RUSC2: variants seen among roughly 807,000 people sequenced by gnomAD.
The protein encoded by RUSC2 is AP-4 complex accessory subunit RUSC2.
A neutral mutation model predicts 122.2 loss-of-function variants in RUSC2; 34 were observed. The observed-to-expected ratio is 0.28, with a 90% CI of 0.21 to 0.37. RUSC2 has a LOEUF of 0.37. Among genes scored for constraint, RUSC2 ranks in the 10% least tolerant of loss-of-function variants. RUSC2 has a pLI of 1.00. For missense variants in RUSC2, 1,747 were observed against 1,952.4 expected, an observed-to-expected ratio of 0.89 and a Z score of 1.98; for synonymous variants, 784 against 790.0, an observed-to-expected ratio of 0.99 and a Z score of 0.13.
chr9:35,523,808 C>A (rs1432024480), intron 1 of RUSC2, among the ~76,000 whole-genome samples: 1 of 150,786 alleles, frequency 6.6e-6, no homozygotes, highest in African/African-American at 2.4e-5. Flanking sequence ...GAGGGAGACT[C>A]CATCTCAAAA....
chr9:35,538,840 C>G (rs1234559142), intron 1 of RUSC2: 1 of 152,298 alleles, frequency 6.6e-6, no homozygotes, highest in Non-Finnish European at 1.5e-5. Context: ...CCTGCCTGCT[C>G]CTTTCCCTTC....
Position 35,548,854 on chromosome 9 carries a change from A to G in RUSC2, c.2014+319A>G, listed in dbSNP as rs909354871. The G allele has an allele frequency of 1.1e-5, 7 of 615,384 alleles. No individual in the cohort carries two copies. The highest frequency in any genetic ancestry group is 1.3e-4 in the Admixed American group (2 of 15,776). 38.1% of individuals were successfully genotyped at this position (615,384 alleles called of 1,614,324 possible). A position where few individuals can be genotyped will look rare whatever the true frequency, so the allele number is the denominator to read the frequency against. On this transcript the variant is annotated intron_variant, in intron 2 of 11. Transcript: ENST00000361226. The surrounding 1 kb of genome is among the most constrained non-coding windows in gnomAD (Gnocchi z 4.5). ...AGACCAGCCTGGCCAACATAATGAA[A>G]CCCCAGCTCTACTAAAATAAAAAAT...
intron 1 of RUSC2, among the ~76,000 whole-genome samples, chr9:35,517,777 G>A (rs902419869): frequency 6.6e-6 from 1 of 152,204 alleles, no homozygotes; most frequent in Non-Finnish European, 1.5e-5. Context: ...ACAGGAGAAG[G>A]CCAGGGCGCT....
rs1379986070 is a variant in RUSC2, at chr9:35,540,373, AT to A, written c.-92-6056del. ...CAAAGCTAGACTCTGTCTGTAAAAA[AT>A]AATTGTAAAAAAATTCCCATTTCTA... On this transcript the variant is annotated intron_variant, in intron 1 of 11. Transcript: ENST00000361226. Among the ~76,000 whole-genome samples, 4 of 152,358 alleles carry A rather than the reference AT, an allele frequency of 2.6e-5. No homozygotes were observed. The East Asian group carries it at 5.8e-4, about 22-fold the overall frequency.
chr9:35,559,171 CCTT>C (rs1822088043), intron 8 of RUSC2, 52 bp from the exon 9 acceptor site: 3 of 1,421,106 alleles, frequency 2.1e-6, no homozygotes, highest in South Asian at 2.3e-5. Flanking sequence ...GGATCTGTCT[CCTT>C]ATCTGGCTGT....
chr9:35,534,415 A>G (rs1253152080), intron 1 of RUSC2, among the ~76,000 whole-genome samples: 2 of 112,890 alleles, frequency 1.8e-5, no homozygotes, highest in Non-Finnish European at 3.8e-5. Context: ...ATCTCTACAA[A>G]TAATACACAC....
Position 35,561,165 on chromosome 9 carries a change from T to C in RUSC2, c.4350-16T>C. 6.2e-7 allele frequency: 1 copy of C among 1,613,852 alleles called. No homozygotes were observed. The highest frequency in any genetic ancestry group is 8.5e-7 in the Non-Finnish European group (1 of 1,179,892). On this transcript the variant is annotated splice_polypyrimidine_tract_variant and intron_variant, in intron 11 of 11. Transcript: ENST00000361226. ...TTTGAGGGGGTTTCTCTGACCTCCA[T>C]GTGCTGTTTCCCCAGTGAGGTGCAG...
intron 1 of RUSC2, among the ~76,000 whole-genome samples, chr9:35,499,626 C>T (rs1820786064): frequency 6.6e-6 from 1 of 152,142 alleles, no homozygotes; most frequent in Non-Finnish European, 1.5e-5. Flanking sequence ...AAAGTCTATA[C>T]TTAACTTGTT....
chr9:35,536,798 G>C (rs1821537038), intron 1 of RUSC2, among the ~76,000 whole-genome samples: 2 of 115,970 alleles, frequency 1.7e-5, no homozygotes, highest in South Asian at 6.5e-4. Flanking sequence ...TGGATGACAA[G>C]AGTGAAACTC....
Position 35,490,133 on chromosome 9 carries a change from GCC to G in RUSC2, c.-131_-130del. 1 of 156,898 alleles carries G rather than the reference GCC, an allele frequency of 6.4e-6. No individual in the cohort carries two copies. The highest frequency in any genetic ancestry group is 1.4e-5 in the Non-Finnish European group (1 of 71,420). 9.7% of individuals were successfully genotyped at this position (156,898 alleles called of 1,614,324 possible). Reference sequence around the variant, plus strand: ...GGCGAGACACGCCGCCGCCGCCGCCGCCGCCGGCGCGGAAGGACGAGGCTGAG... The same window carrying G: ...GGCGAGACACGCCGCCGCCGCCGCCGGCCGGCGCGGAAGGACGAGGCTGAG... On this transcript the variant is annotated 5_prime_UTR_variant, in exon 1 of 12. Coordinates refer to ENST00000361226, the MANE Select transcript of RUSC2 (RefSeq NM_014806.5).
intron 2 of RUSC2, among the ~76,000 whole-genome samples, chr9:35,553,221 G>A (rs1821937478): frequency 6.6e-6 from 1 of 152,188 alleles, no homozygotes; most frequent in South Asian, 2.1e-4. Flanking sequence ...TCACTGAGAA[G>A]ATTAGACTTT....
At chr9:35,544,838 C>T (rs1821714213) in intron 1 of RUSC2, among the ~76,000 whole-genome samples, 1 of 152,062 alleles carries the variant, frequency 6.6e-6, no homozygotes, top group African/African-American at 2.4e-5. Context: ...ATCACCTAAT[C>T]CAAGATAACA....
intron 1 of RUSC2, among the ~76,000 whole-genome samples, chr9:35,509,590 A>G (rs1266881296): frequency 2.0e-5 from 3 of 152,248 alleles, no homozygotes; most frequent in Admixed American, 6.5e-5. Context: ...CAAAGCCGTG[A>G]AGAAAAGTTA....
At chr9:35,526,574 A>G (rs551968781) in intron 1 of RUSC2, among the ~76,000 whole-genome samples, 1 of 152,334 alleles carries the variant, frequency 6.6e-6, no homozygotes, top group Non-Finnish European at 1.5e-5. Flanking sequence ...ACAACACTCA[A>G]ACAGATATTA....
intron 1 of RUSC2, among the ~76,000 whole-genome samples, chr9:35,535,534 CTTTTTTTTTT>C (rs1174623935): frequency 3.8e-5 from 5 of 130,098 alleles, no homozygotes; most frequent in African/African-American, 1.4e-4. Context: ...AGGAGCTTCT[CTTTTTTTTTT>C]TTTTTTTTTT....
At chr9:35,494,804 T>C (rs1820644950) in intron 1 of RUSC2, among the ~76,000 whole-genome samples, 1 of 150,010 alleles carries the variant, frequency 6.7e-6, no homozygotes. Context: ...ATCTAATTTA[T>C]CTAATTTTTC....
intron 1 of RUSC2, among the ~76,000 whole-genome samples, chr9:35,519,877 G>C (rs1217903185): frequency 6.6e-6 from 1 of 152,090 alleles, no homozygotes; most frequent in African/African-American, 2.4e-5. Context: ...TAGTGAGGTT[G>C]AGTGACCACC....
intron 1 of RUSC2, among the ~76,000 whole-genome samples, chr9:35,511,919 G>A (rs1375227956): frequency 5.9e-5 from 9 of 152,090 alleles, no homozygotes; most frequent in Admixed American, 5.9e-4. Context: ...GGTGGCTCAC[G>A]CCTGTAATCT....
chr9:35,515,400 TTGC>T (rs1181711268), intron 1 of RUSC2, among the ~76,000 whole-genome samples: 5 of 152,290 alleles, frequency 3.3e-5, no homozygotes, highest in South Asian at 2.1e-4. Context: ...GACCAACAGA[TTGC>T]TGCTATTTTT....
Sources: allele counts gnomAD v4.1 joint callset (sites outside exome capture counted in the v4.1 genomes callset), GRCh38; gene constraint gnomAD v4.1.1; non-coding constraint Gnocchi (gnomAD v3.1); transcripts MANE v1.5; gene names NCBI Gene and HGNC (gene_info 2026-07-23, HGNC 2026-07-21).